Variants in KRIT1 observed in about 807,000 individuals in gnomAD.
KRIT1 encodes KRIT1 ankyrin repeat containing.
KRIT1 carries 45 observed loss-of-function variants against 95.8 expected under a neutral mutation model. The ratio of observed to expected loss-of-function variants is 0.47; its 90% confidence interval spans 0.37 to 0.60. KRIT1 has a LOEUF of 0.60. KRIT1 is among the 20% of genes least tolerant of loss of function. KRIT1 has a pLI of 0.00. For missense variants in KRIT1, 788 were observed against 877.5 expected (o/e 0.90, Z 1.29); for synonymous variants, 282 against 278.8 (o/e 1.01, Z -0.11).
rs764411571 is a variant in KRIT1 at position 92,242,052 on chromosome 7, G to A, written c.84C>T (p.Tyr28=). ...KNTASLNSRE[Y]RAKSYEILLH... is the part of the protein sequence containing the mutation. ...TTCTTACTTCATATGACTTAGCTCT[G>A]TATTCCCGAGAATTGAGACTGGCAG... is the stretch of plus-strand genomic sequence containing the variant. The change falls in exon 4 of 19, where the codon TAC becomes TAT. Residue 28 remains tyrosine, a synonymous_variant. Transcript: ENST00000394505. The A allele has an allele frequency of 1.9e-6, 3 of 1,542,164 alleles. No individual in the cohort carries two copies. Among genetic ancestry groups the A allele is most frequent in the East Asian group, 2.3e-5 (1 of 44,442 alleles).
At chr7:92,226,207 A>G (rs756065267) in intron 11 of KRIT1, among the ~76,000 whole-genome samples, 11 of 152,170 alleles carry the variant, frequency 7.2e-5, no homozygotes, top group Non-Finnish European at 1.5e-4. Context: ...TAAATTCTAC[A>G]TACATTCTGA....
chr7:92,214,676 T>G lies in KRIT1; in HGVS notation c.1665A>C (p.Ala555=), dbSNP rs771091721. ...TAPDAKLITL[A]SLLLQIVYGN... ...CATAGACTATTTGCAAAAGCAGACT[T>G]GCCAATGTTATCAGCTTAGCATCAG... Residue 555 remains alanine (A), a synonymous_variant, in exon 15 of 19, where the codon GCA becomes GCC. Transcript: ENST00000394505. 9.3e-6 allele frequency: 15 copies of G among 1,612,428 alleles called. No individual in the cohort carries two copies. In the Middle Eastern group the frequency reaches 1.2e-3, roughly 124 times the overall value.
At chr7:92,242,668 C>T (rs1799941047) in intron 3 of KRIT1, among the ~76,000 whole-genome samples, 1 of 152,194 alleles carries the variant, frequency 6.6e-6, no homozygotes. Context: ...TGATATCAGA[C>T]ATTTGGATGA....
intron 16 of KRIT1, 110 bp from the exon 17 acceptor site, chr7:92,213,511 A>G (rs957522881): frequency 1.4e-6 from 1 of 723,630 alleles, no homozygotes; most frequent in Non-Finnish European, 2.3e-6. Context: ...ATTGCCCCTA[A>G]AGAATAAAAT....
At chr7:92,221,787 G>A (rs1795203879) in intron 14 of KRIT1, 115 bp downstream of exon 14, 1 of 845,404 alleles carries the variant, frequency 1.2e-6, no homozygotes, top group African/African-American at 1.7e-5. Context: ...AATTATCACA[G>A]GGATGTAAGG....
At chr7:92,235,674 T>A in intron 7 of KRIT1, 28 bp from the exon 8 acceptor site, 1 of 1,611,050 alleles carries the variant, frequency 6.2e-7, no homozygotes, top group Non-Finnish European at 8.5e-7. Context: ...CAGGTAGAAG[T>A]AGCCATTCGA....
intron 2 of KRIT1, 53 bp from the exon 3 acceptor site, chr7:92,244,202 T>C (rs1473128109): frequency 6.6e-6 from 1 of 152,212 alleles, no homozygotes; most frequent in Non-Finnish European, 1.5e-5. Context: ...GTATGATATA[T>C]GGGCACAATT....
Position 92,234,978 on chromosome 7 carries a change from T to C in KRIT1, c.730-55A>G, listed in dbSNP as rs189436321. On this transcript the variant is annotated intron_variant, in intron 8 of 18. Coordinates refer to ENST00000394505, the MANE Select transcript of KRIT1 (RefSeq NM_194454.3). The stretch of plus-strand genomic sequence containing the variant: ...ATTAAGAGCTTTGTCATCTTAATGT[T>C]TACATGTTTATATTTTAAATTTTTA... 8.6e-5 allele frequency: 72 copies of C among 835,470 alleles called. No individual in the cohort carries two copies. In the African/African-American group the frequency reaches 9.7e-4, roughly 11 times the overall value. The allele number at this position is 835,470 out of a possible 1,614,324, so 51.8% of individuals were successfully genotyped here.
rs533738413 is a variant in KRIT1, at chr7:92,202,787, T to C, written c.2026-1364A>G. On this transcript the variant is annotated intron_variant, in intron 17 of 18. Transcript: ENST00000394505. ...ATGAAACACAGGTAATTTATGTGAG[T>C]ATACATTAAGTATAAGGAAAAACTA... 1.1e-3 allele frequency among the ~76,000 whole-genome samples: 162 copies of C among 152,262 alleles called. 1 individual carries two copies. Among genetic ancestry groups the C allele is most frequent in the African/African-American group, 3.7e-3 (152 of 41,572 alleles).
chr7:92,211,034 A>C (rs1218894857), intron 17 of KRIT1, among the ~76,000 whole-genome samples: 1 of 152,234 alleles, frequency 6.6e-6, no homozygotes, highest in East Asian at 1.9e-4. Context: ...AACATAACAA[A>C]TGCTGGTGAG....
chr7:92,224,405 T>G (rs1357947962), intron 12 of KRIT1, among the ~76,000 whole-genome samples: 1 of 152,008 alleles, frequency 6.6e-6, no homozygotes, highest in Non-Finnish European at 1.5e-5. Flanking sequence ...GAGGCTGCAG[T>G]GCATCACGAT....
At chr7:92,218,257 A>T (rs1794406128) in intron 14 of KRIT1, among the ~76,000 whole-genome samples, 1 of 151,676 alleles carries the variant, frequency 6.6e-6, no homozygotes, top group South Asian at 2.1e-4. Flanking sequence ...CAAAAACAAA[A>T]CTTTTTTGTA....
At chr7:92,210,331 A>G (rs968120024) in intron 17 of KRIT1, among the ~76,000 whole-genome samples, 3 of 152,206 alleles carry the variant, frequency 2.0e-5, no homozygotes, top group African/African-American at 7.2e-5. Context: ...GCATGATGTT[A>G]TTGTAAATAC....
intron 12 of KRIT1, among the ~76,000 whole-genome samples, chr7:92,225,126 C>T (rs922497449): frequency 2.2e-4 from 34 of 151,938 alleles, no homozygotes; most frequent in African/African-American, 7.7e-4. Flanking sequence ...GTATTCCAGC[C>T]TGGGTGACAG....
At chr7:92,203,153 G>A (rs1400855811) in intron 17 of KRIT1, among the ~76,000 whole-genome samples, 1 of 152,200 alleles carries the variant, frequency 6.6e-6, no homozygotes, top group Non-Finnish European at 1.5e-5. Flanking sequence ...ACACAACTGT[G>A]TCCCATGGCT....
At chr7:92,227,740 G>A (rs947675413) in intron 10 of KRIT1, among the ~76,000 whole-genome samples, 4 of 151,880 alleles carry the variant, frequency 2.6e-5, no homozygotes, top group East Asian at 2.0e-4. Flanking sequence ...TCGGCCAGGC[G>A]TGGTGGCTCA....
intron 5 of KRIT1, among the ~76,000 whole-genome samples, chr7:92,239,715 T>C (rs1209292658): frequency 2.0e-5 from 3 of 150,602 alleles, no homozygotes; most frequent in Admixed American, 2.0e-4. Context: ...AACTTTTTTT[T>C]TTTTTTTTTT....
At chr7:92,246,087 G>A (rs983338906), upstream of KRIT1, 2 of 282,694 alleles carry the variant, frequency 7.1e-6, no homozygotes, top group Middle Eastern at 1.2e-3. Context: ...GGGTGCCAGC[G>A]GCTGAGCCGG....
At chr7:92,231,984 T>G (rs941917142) in intron 10 of KRIT1, among the ~76,000 whole-genome samples, 1 of 152,176 alleles carries the variant, frequency 6.6e-6, no homozygotes, top group Non-Finnish European at 1.5e-5. Flanking sequence ...CAGGCTGGAG[T>G]GCGGTGGTGG....
Sources: gnomAD v4.1 joint callset for allele counts (sites outside exome capture counted in the v4.1 genomes callset) on GRCh38, gnomAD v4.1.1 for gene constraint, MANE v1.5 for transcripts, NCBI Gene and HGNC (gene_info 2026-07-23, HGNC 2026-07-21) for gene names.